Variants in RPS6KA2 observed in about 807,000 individuals in gnomAD.
RPS6KA2 encodes ribosomal protein S6 kinase alpha-2.
Under a neutral mutation model 91.8 loss-of-function variants are expected in RPS6KA2, and 42 were observed. That is an observed-to-expected ratio of 0.46 (90% CI 0.36 to 0.59). The LOEUF (loss-of-function observed/expected upper bound fraction) is 0.59, where lower values mean the gene tolerates loss of function less well. Among genes scored for constraint, RPS6KA2 ranks in the 20% least tolerant of loss-of-function variants. The pLI is 0.00. For missense variants in RPS6KA2, 798 were observed against 978.5 expected (o/e 0.82, Z 2.46); for synonymous variants, 414 against 393.6 (o/e 1.05, Z -0.61).
chr6:166,465,211 A>C (rs772899275), intron 11 of RPS6KA2: 1 of 152,256 alleles, frequency 6.6e-6, no homozygotes, highest in Non-Finnish European at 1.5e-5. Context: ...TGGTGTTAAC[A>C]GTTCTTGCAA....
intron 2 of RPS6KA2, among the ~76,000 whole-genome samples, chr6:166,730,536 C>T (rs958427811): frequency 7.9e-5 from 12 of 152,116 alleles, no homozygotes; most frequent in African/African-American, 2.9e-4. Flanking sequence ...TAGAATGCTG[C>T]GTGTCATAGA....
intron 11 of RPS6KA2, among the ~76,000 whole-genome samples, chr6:166,469,277 T>C (rs1365745339): frequency 2.6e-5 from 4 of 151,284 alleles, no homozygotes; most frequent in Non-Finnish European, 5.9e-5. Flanking sequence ...GCTTTACCAA[T>C]AACTCCACTA....
At chr6:166,830,058 G>A (rs796255906) in intron 2 of RPS6KA2, among the ~76,000 whole-genome samples, 9 of 150,754 alleles carry the variant, frequency 6.0e-5, no homozygotes, top group African/African-American at 2.0e-4. Context: ...CCTGGGAGGC[G>A]GAGATTGCAT....
intron 17 of RPS6KA2, among the ~76,000 whole-genome samples, chr6:166,421,764 G>C (rs1778729033): frequency 6.6e-6 from 1 of 152,130 alleles, no homozygotes; most frequent in Non-Finnish European, 1.5e-5. Flanking sequence ...TCTGTCTTTT[G>C]TTACAGGGGT....
chr6:166,444,409 C>T (rs187452277), intron 14 of RPS6KA2, among the ~76,000 whole-genome samples: 31 of 152,286 alleles, frequency 2.0e-4, no homozygotes, highest in Admixed American at 5.2e-4. Flanking sequence ...AAAACAAAGG[C>T]GGACTTTAGT....
intron 1 of RPS6KA2, among the ~76,000 whole-genome samples, chr6:166,591,061 T>C (rs1001558661): frequency 1.3e-5 from 2 of 152,202 alleles, no homozygotes; most frequent in African/African-American, 2.4e-5. Context: ...CTTCTACATA[T>C]TAAATGCCAG....
chr6:166,832,043 TAGATA>T, intron 2 of RPS6KA2, among the ~76,000 whole-genome samples: 1 of 139,384 alleles, frequency 7.2e-6, no homozygotes, highest in African/African-American at 3.1e-5. Context: ...ACATGATAGA[TAGATA>T]GATAGATAGA....
intron 3 of RPS6KA2, among the ~76,000 whole-genome samples, chr6:166,518,808 C>G (rs1297342758): frequency 6.6e-6 from 1 of 152,198 alleles, no homozygotes; most frequent in Non-Finnish European, 1.5e-5. Context: ...GGGACAAGGA[C>G]AGTCATTACA....
At chr6:166,835,842 T>A (rs933195665) in intron 2 of RPS6KA2, among the ~76,000 whole-genome samples, 4 of 152,228 alleles carry the variant, frequency 2.6e-5, no homozygotes, top group Non-Finnish European at 4.4e-5. Context: ...TCACATTAGG[T>A]GTGATGCTGG....
At chr6:166,541,665 C>A (rs995639177) in intron 1 of RPS6KA2, among the ~76,000 whole-genome samples, 5 of 152,184 alleles carry the variant, frequency 3.3e-5, no homozygotes, top group Non-Finnish European at 7.3e-5. Flanking sequence ...CCTGTTGCCT[C>A]CCGCCTCCCC....
chr6:166,501,800 T>C (rs1019413277), intron 6 of RPS6KA2, among the ~76,000 whole-genome samples: 1 of 152,206 alleles, frequency 6.6e-6, no homozygotes, highest in Non-Finnish European at 1.5e-5. Context: ...GGTACCAGCC[T>C]AGCCCTAAAG....
At chr6:166,839,447 T>C (rs1051701362) in intron 2 of RPS6KA2, among the ~76,000 whole-genome samples, 1 of 151,754 alleles carries the variant, frequency 6.6e-6, no homozygotes, top group Non-Finnish European at 1.5e-5. Context: ...AAATGTGTAC[T>C]ATTGATGTAG....
chr6:166,697,144 C>T (rs914814701), intron 2 of RPS6KA2, among the ~76,000 whole-genome samples: 4 of 151,782 alleles, frequency 2.6e-5, no homozygotes, highest in Non-Finnish European at 4.4e-5. Flanking sequence ...CATATCCTAT[C>T]GGTTTTGTTT....
intron 2 of RPS6KA2, among the ~76,000 whole-genome samples, chr6:166,824,395 G>A (rs570940268): frequency 7.2e-5 from 11 of 152,320 alleles, no homozygotes; most frequent in South Asian, 4.2e-4. Flanking sequence ...TCAGCAGGTG[G>A]CACCTGCTGG....
At position 166,445,303 on chromosome 6, in the gene RPS6KA2, G is replaced by T. The variant is rs1389310568; in HGVS notation, c.1332+3421C>A. 6.6e-6 allele frequency among the ~76,000 whole-genome samples: 1 copy of T among 152,122 alleles called. No homozygotes were observed. Among genetic ancestry groups the T allele is most frequent in the Non-Finnish European group, 1.5e-5 (1 of 68,024 alleles). ...GTCGGTCATCATCCTGTTGCTAAAG[G>T]ACTCACCAGAAACTCAATGAAGAAG... On this transcript the variant is annotated intron_variant, in intron 14 of 20. Coordinates refer to ENST00000265678, the MANE Select transcript of RPS6KA2 (RefSeq NM_021135.6). The surrounding 1 kb of genome is among the most constrained non-coding windows in gnomAD (Gnocchi z 4.5).
chr6:166,764,833 G>A (rs536185816), intron 2 of RPS6KA2, among the ~76,000 whole-genome samples: 20 of 152,324 alleles, frequency 1.3e-4, no homozygotes, highest in African/African-American at 3.8e-4. Context: ...CACATGTTAC[G>A]TATTTCACAC....
chr6:166,625,323 A>ACCCCCCC (rs1338733933), intron 1 of RPS6KA2, among the ~76,000 whole-genome samples: 2 of 30,348 alleles, frequency 6.6e-5, no homozygotes, highest in Admixed American at 3.1e-4. Context: ...TATTCCCACC[A>ACCCCCCC]CCCCCCCACC....
intron 2 of RPS6KA2, among the ~76,000 whole-genome samples, chr6:166,829,303 A>C (rs939714591): frequency 1.8e-4 from 28 of 152,204 alleles, no homozygotes; most frequent in African/African-American, 6.8e-4. Flanking sequence ...TTTAAAAATG[A>C]ATTATCGGCC....
chr6:166,441,204 C>T (rs1028847831), intron 14 of RPS6KA2, among the ~76,000 whole-genome samples: 2 of 152,132 alleles, frequency 1.3e-5, no homozygotes, highest in African/African-American at 4.8e-5. Flanking sequence ...TTTAACTGCT[C>T]CTAGTCCCGG....
Sources: gnomAD v4.1 joint callset for allele counts (sites outside exome capture counted in the v4.1 genomes callset) on GRCh38, gnomAD v4.1.1 for gene constraint, Gnocchi (gnomAD v3.1) non-coding constraint, MANE v1.5 for transcripts, NCBI Gene and HGNC (gene_info 2026-07-23, HGNC 2026-07-21) for gene names.